PLXDC1: variants seen among roughly 807,000 people sequenced by gnomAD.
The protein encoded by PLXDC1 is plexin domain-containing protein 1.
Under a neutral mutation model 61.3 loss-of-function variants are expected in PLXDC1, and 39 were observed. The observed-to-expected ratio is 0.64, with a 90% CI of 0.49 to 0.83. PLXDC1 has a LOEUF of 0.83. Among genes scored for constraint, PLXDC1 ranks in the 40% least tolerant of loss-of-function variants. The pLI, the probability that PLXDC1 is intolerant of heterozygous loss-of-function variation, is 0.00. For synonymous variants in PLXDC1, 212 were observed against 254.5 expected (o/e 0.83, Z 1.59); for missense variants, 596 against 666.5 (o/e 0.89, Z 1.17).
At chr17:39,131,924 C>T (rs1478412520) in intron 2 of PLXDC1, 3 of 152,680 alleles carry the variant, frequency 2.0e-5, no homozygotes, top group African/African-American at 7.2e-5. Flanking sequence ...CCAGGCAGGT[C>T]TTGCACTCTC....
chr17:39,128,107 A>ATACATATATATATACATATATATG (rs1911387079), intron 2 of PLXDC1, among the ~76,000 whole-genome samples: 1 of 100,630 alleles, frequency 9.9e-6, no homozygotes, highest in African/African-American at 4.3e-5. Context: ...GTATATATAT[A>ATACATATATATATACATATATATG]TATATATGTA....
chr17:39,085,642 T>G (rs1341917767), intron 8 of PLXDC1, among the ~76,000 whole-genome samples: 1 of 152,132 alleles, frequency 6.6e-6, no homozygotes, highest in Non-Finnish European at 1.5e-5. Context: ...GCCACTTTTT[T>G]ATGGGTCTCT....
At position 39,107,460 on chromosome 17, in the gene PLXDC1, T is replaced by G. The variant is rs1180545513; in HGVS notation, c.658A>C (p.Thr220Pro). Reference sequence around the variant, plus strand: ...TCATGGTGCAGAGCTGCCTGGAAGGTGAAACTGCCCTTGTCTTCCCAGCCT... The same window carrying G: ...TCATGGTGCAGAGCTGCCTGGAAGGGGAAACTGCCCTTGTCTTCCCAGCCT... ...LQGWEDKGSFTFQAALHHDGR... is the reference protein window; with the variant it reads ...LQGWEDKGSFPFQAALHHDGR... Residue 220 changes from threonine to proline, a missense_variant, in exon 6 of 14, where the codon ACC becomes CCC. Thr to Pro is a conservative substitution (Grantham distance 38). Transcript: ENST00000315392. 2 of 1,613,998 alleles carry G rather than the reference T, an allele frequency of 1.2e-6. No homozygotes were observed. Among genetic ancestry groups the G allele is most frequent in the Admixed American group, 3.3e-5 (2 of 60,006 alleles).
rs1730525786 is a variant in PLXDC1, at chr17:39,065,785, A to G, written c.*2055T>C. ...CATGGGTCTTGTGGCCGGCCCTGCGACTGGCTGACAGTCCAGCAAGGCAAG... is the reference window on the plus strand; with the variant it reads ...CATGGGTCTTGTGGCCGGCCCTGCGGCTGGCTGACAGTCCAGCAAGGCAAG... On this transcript the variant is annotated 3_prime_UTR_variant, in exon 14 of 14. Transcript: ENST00000315392. The G allele has an allele frequency of 6.6e-6, 1 of 152,438 alleles. No homozygotes were observed. Among genetic ancestry groups the G allele is most frequent in the South Asian group, 2.1e-4 (1 of 4,834 alleles). The allele number at this position is 152,438 out of a possible 1,614,324, so 9.4% of individuals were successfully genotyped here.
intron 9 of PLXDC1, chr17:39,079,548 T>C (rs573607293): frequency 2.2e-6 from 1 of 457,812 alleles, no homozygotes; most frequent in Non-Finnish European, 4.4e-6. Flanking sequence ...GGAAAGAGAG[T>C]AGGGCTAAAG....
chr17:39,137,668 G>A (rs1443816711), intron 2 of PLXDC1: 1 of 152,212 alleles, frequency 6.6e-6, no homozygotes, highest in African/African-American at 2.4e-5. Flanking sequence ...ACGTTCTCAA[G>A]GGAATTTTTC....
chr17:39,082,088 C>T (rs2143393658), intron 9 of PLXDC1, among the ~76,000 whole-genome samples: 1 of 152,208 alleles, frequency 6.6e-6, no homozygotes, highest in East Asian at 1.9e-4. Context: ...GTGGGAAGAA[C>T]ACCTGGGAGA....
chr17:39,069,350 G>A (rs1328736925), intron 13 of PLXDC1, among the ~76,000 whole-genome samples: 1 of 152,126 alleles, frequency 6.6e-6, no homozygotes, highest in Non-Finnish European at 1.5e-5. Context: ...AAGTAATCTT[G>A]CCTTGGTTTC....
At chr17:39,143,473 A>G (rs1177680506) in intron 1 of PLXDC1, among the ~76,000 whole-genome samples, 1 of 152,078 alleles carries the variant, frequency 6.6e-6, no homozygotes, top group East Asian at 1.9e-4. Context: ...GATTCTCTCC[A>G]CCTTCTTCAA....
At chr17:39,127,359 C>T (rs960993008) in intron 2 of PLXDC1, among the ~76,000 whole-genome samples, 1 of 152,094 alleles carries the variant, frequency 6.6e-6, no homozygotes, top group African/African-American at 2.4e-5. Flanking sequence ...CTGGGAAACC[C>T]GGGATAGTTG....
intron 1 of PLXDC1, among the ~76,000 whole-genome samples, chr17:39,147,174 T>G (rs1453497075): frequency 6.6e-6 from 1 of 152,088 alleles, no homozygotes; most frequent in Non-Finnish European, 1.5e-5. Context: ...GGCAGGCTGG[T>G]CTCGAACTCC....
intron 7 of PLXDC1, among the ~76,000 whole-genome samples, chr17:39,105,140 A>G (rs1458969037): frequency 6.6e-6 from 1 of 152,196 alleles, no homozygotes; most frequent in East Asian, 1.9e-4. Context: ...CCGGGGTCCT[A>G]CATGGCAGAA....
At chr17:39,106,638 T>C (rs1438994724) in intron 6 of PLXDC1, among the ~76,000 whole-genome samples, 2 of 143,842 alleles carry the variant, frequency 1.4e-5, no homozygotes, top group Admixed American at 7.0e-5. Flanking sequence ...CTTTTTTCTT[T>C]TTTCTTTTTC....
At chr17:39,129,367 C>T (rs899374129) in intron 2 of PLXDC1, among the ~76,000 whole-genome samples, 2 of 147,480 alleles carry the variant, frequency 1.4e-5, no homozygotes, top group Non-Finnish European at 3.0e-5. Flanking sequence ...ACCTGTAATC[C>T]CAGCACTTTG....
chr17:39,131,635 G>T, intron 2 of PLXDC1: 1 of 152,920 alleles, frequency 6.5e-6, no homozygotes. Flanking sequence ...TTACAGGCCT[G>T]AGCCACCATG....
chr17:39,130,555 GTTTATTTTATTTTAC>G (rs1040483981), intron 2 of PLXDC1, among the ~76,000 whole-genome samples: 2 of 152,026 alleles, frequency 1.3e-5, no homozygotes, highest in East Asian at 1.9e-4. Context: ...CTTTAAAATG[GTTTATTTTATTTTAC>G]TTTATTTTAT....
At chr17:39,108,747 A>G (rs1910685997) in intron 4 of PLXDC1, 157 bp downstream of exon 4, 1 of 634,558 alleles carries the variant, frequency 1.6e-6, no homozygotes, top group Admixed American at 2.3e-5. Flanking sequence ...TCTGACGTCC[A>G]CTGACCCCCC....
chr17:39,097,696 ATTAT>A (rs1390876165), intron 7 of PLXDC1, among the ~76,000 whole-genome samples: 1 of 150,872 alleles, frequency 6.6e-6, no homozygotes, highest in East Asian at 1.9e-4. Context: ...ACCCTATTTT[ATTAT>A]TTGTCTTTAC....
At position 39,108,196 on chromosome 17, in the gene PLXDC1, C is replaced by G; in HGVS notation, c.519G>C (p.Gln173His). The G allele has an allele frequency of 6.2e-7, 1 of 1,614,166 alleles. No individual in the cohort carries two copies. Among genetic ancestry groups the G allele is most frequent in the South Asian group, 1.1e-5 (1 of 91,088 alleles). The change falls in exon 5 of 14, where the codon CAG becomes CAC. Residue 173 changes from glutamine (Q) to histidine (H), a missense_variant. Coordinates refer to ENST00000315392, the MANE Select transcript of PLXDC1 (RefSeq NM_020405.5). The stretch of plus-strand genomic sequence containing the variant: ...AGTTGGCCATCAGGGGCGCCACATA[C>G]TGAGTAGCTGTGAGCATCCGATGGA... The part of the protein sequence containing the change: ...DVIHRMLTAT[Q>H]YVAPLMANFN...
Sources: allele counts gnomAD v4.1 joint callset (sites outside exome capture counted in the v4.1 genomes callset), GRCh38; gene constraint gnomAD v4.1.1; transcripts MANE v1.5; gene names NCBI Gene and HGNC (gene_info 2026-07-23, HGNC 2026-07-21).